PDE4B: variants seen among roughly 807,000 people sequenced by gnomAD.
PDE4B encodes phosphodiesterase 4B.
Under a neutral mutation model 82.2 loss-of-function variants are expected in PDE4B, and 20 were observed. That is an observed-to-expected ratio of 0.24 (90% confidence interval 0.17 to 0.35). The LOEUF (loss-of-function observed/expected upper bound fraction) is 0.35, where lower values mean the gene tolerates loss of function less well. Ranked by LOEUF, PDE4B falls within the 10% of genes least tolerant of loss-of-function variation. The pLI, the probability that PDE4B is intolerant of heterozygous loss-of-function variation, is 1.00. For synonymous variants in PDE4B, 320 were observed against 318.9 expected, an observed-to-expected ratio of 1.00 and a Z score of -0.04; for missense variants, 655 against 907.2, an observed-to-expected ratio of 0.72 and a Z score of 3.57.
chr1:66,194,886 G>A (rs1206041502), intron 3 of PDE4B, among the ~76,000 whole-genome samples: 2 of 152,102 alleles, frequency 1.3e-5, no homozygotes, highest in East Asian at 1.9e-4. Context: ...CTGAAAGGTT[G>A]CTCGTGAGAA....
At chr1:66,046,052 A>C (rs983463125) in intron 3 of PDE4B, among the ~76,000 whole-genome samples, 4 of 151,702 alleles carry the variant, frequency 2.6e-5, no homozygotes, top group African/African-American at 9.7e-5. Context: ...TGCAGAAGAG[A>C]TATTTGAAAG....
intron 7 of PDE4B, among the ~76,000 whole-genome samples, chr1:66,327,718 C>T (rs1213318446): frequency 2.0e-5 from 3 of 152,160 alleles, no homozygotes; most frequent in Non-Finnish European, 4.4e-5. Context: ...AAGAACCATA[C>T]CAGGTCTTCT....
chr1:65,993,104 C>T (rs1480597435), intron 3 of PDE4B: 4 of 1,613,398 alleles, frequency 2.5e-6, no homozygotes, highest in Non-Finnish European at 3.4e-6. Context: ...TGAATAAAAG[C>T]ATTCGGCAGC....
At chr1:66,335,258 C>T (rs1471572157) in intron 8 of PDE4B, among the ~76,000 whole-genome samples, 1 of 152,130 alleles carries the variant, frequency 6.6e-6, no homozygotes, top group Non-Finnish European at 1.5e-5. Flanking sequence ...CTCTGTGTTC[C>T]TAGTTCTGTT....
chr1:66,311,584 T>C (rs937300082), intron 7 of PDE4B, among the ~76,000 whole-genome samples: 9 of 152,254 alleles, frequency 5.9e-5, no homozygotes, highest in African/African-American at 1.4e-4. Flanking sequence ...AGAGAACTTC[T>C]GGCTGGGAGC....
At chr1:65,925,333 TA>T (rs369499415) in intron 3 of PDE4B, among the ~76,000 whole-genome samples, 4 of 151,860 alleles carry the variant, frequency 2.6e-5, no homozygotes, top group South Asian at 2.1e-4. Flanking sequence ...AACTGAAAAT[TA>T]AAAAAAATTC....
chr1:66,353,117 C>A (rs1661963935), intron 8 of PDE4B, among the ~76,000 whole-genome samples: 1 of 152,174 alleles, frequency 6.6e-6, no homozygotes, highest in Non-Finnish European at 1.5e-5. Flanking sequence ...TGTGACTGAG[C>A]AGTTGTGTCT....
intron 3 of PDE4B, among the ~76,000 whole-genome samples, chr1:66,197,971 C>T (rs767999645): frequency 2.0e-5 from 3 of 152,122 alleles, no homozygotes; most frequent in Admixed American, 2.0e-4. Context: ...GAGAGCAGGC[C>T]AAGGAAATCA....
At chr1:66,358,871 G>A (rs1465990398) in intron 9 of PDE4B, among the ~76,000 whole-genome samples, 1 of 152,116 alleles carries the variant, frequency 6.6e-6, no homozygotes, top group Non-Finnish European at 1.5e-5. Flanking sequence ...TTAATCCAGA[G>A]ATAGGTGAAA....
chr1:65,890,741 A>T (rs1351499317), intron 1 of PDE4B, among the ~76,000 whole-genome samples: 1 of 152,050 alleles, frequency 6.6e-6, no homozygotes, highest in African/African-American at 2.4e-5. Context: ...GCAGGCGTCT[A>T]GAGGAGACAT....
At chr1:66,300,502 C>A (rs12137080) in intron 7 of PDE4B, among the ~76,000 whole-genome samples, 233 of 152,042 alleles carry the variant, frequency 1.5e-3, no homozygotes, top group Non-Finnish European at 2.9e-3. Context: ...TGAGGGAGGG[C>A]GATTTGGAGT....
At chr1:66,162,932 T>C (rs1646647086) in intron 3 of PDE4B, among the ~76,000 whole-genome samples, 1 of 152,204 alleles carries the variant, frequency 6.6e-6, no homozygotes, top group African/African-American at 2.4e-5. Flanking sequence ...CCAAGTCAAC[T>C]TTTATTACTT....
rs527261485 is a variant in PDE4B at position 66,176,195 on chromosome 1, C to T, written c.282-71265C>T. Among the ~76,000 whole-genome samples, 7 of 152,296 alleles carry T rather than the reference C, an allele frequency of 4.6e-5. No individual in the cohort carries two copies. The East Asian group carries it at 9.6e-4, about 21-fold the overall frequency. On this transcript the variant is annotated intron_variant, in intron 3 of 16. Coordinates refer to ENST00000341517, the MANE Select transcript of PDE4B (RefSeq NM_002600.4). The stretch of plus-strand genomic sequence containing the variant: ...GACTCAACAAAGGCAAGATTTCCCA[C>T]GCTGAAGACAGATGGGAAAATTCCA...
At position 66,372,454 on chromosome 1, in the gene PDE4B, C is replaced by G; in HGVS notation, c.1987C>G (p.Pro663Ala). The G allele has an allele frequency of 6.2e-7, 1 of 1,614,116 alleles. No individual in the cohort carries two copies. Among genetic ancestry groups the G allele is most frequent in the Non-Finnish European group, 8.5e-7 (1 of 1,180,000 alleles). Reference protein sequence around the residue: ...QSMIPQSPSPPLDEQNRDCQG... With the variant: ...QSMIPQSPSPALDEQNRDCQG... Reference sequence around the variant, plus strand: ...CATGATACCTCAAAGTCCCTCACCACCACTGGACGAGCAGAACAGGGACTG... The same window carrying G: ...CATGATACCTCAAAGTCCCTCACCAGCACTGGACGAGCAGAACAGGGACTG... Residue 663 changes from proline to alanine, a missense_variant, in exon 17 of 17, where the codon CCA becomes GCA. Pro to Ala is a conservative substitution (Grantham distance 27). This residue lies in a region of PDE4B where 119 missense variants were observed against 115.2 expected (regional missense o/e 1.03). Transcript: ENST00000341517.
At chr1:65,954,186 T>C (rs1439449781) in intron 3 of PDE4B, among the ~76,000 whole-genome samples, 1 of 152,148 alleles carries the variant, frequency 6.6e-6, no homozygotes, top group African/African-American at 2.4e-5. Context: ...TGTGAGCCAC[T>C]GTGCCTGGCC....
At chr1:66,095,229 A>G (rs958623899) in intron 3 of PDE4B, among the ~76,000 whole-genome samples, 7 of 151,892 alleles carry the variant, frequency 4.6e-5, no homozygotes, top group Admixed American at 6.6e-5. Flanking sequence ...TCAATTATAT[A>G]CTTGCTATTA....
intron 1 of PDE4B, among the ~76,000 whole-genome samples, chr1:65,877,037 A>C (rs1348234940): frequency 6.6e-6 from 1 of 152,178 alleles, no homozygotes; most frequent in Non-Finnish European, 1.5e-5. Flanking sequence ...TTCTTCACAG[A>C]ACTAGAAAAA....
At chr1:66,298,342 C>T (rs556461140) in intron 7 of PDE4B, among the ~76,000 whole-genome samples, 8 of 152,034 alleles carry the variant, frequency 5.3e-5, no homozygotes, top group Non-Finnish European at 1.0e-4. Context: ...ACCTAATAGG[C>T]CTTACTTAGT....
chr1:66,358,887 G>T (rs1469563690), intron 9 of PDE4B, among the ~76,000 whole-genome samples: 2 of 152,096 alleles, frequency 1.3e-5, no homozygotes, highest in African/African-American at 4.8e-5. Context: ...TGAAACTTGT[G>T]TCATTCCTAT....
Sources: allele counts gnomAD v4.1 joint callset (sites outside exome capture counted in the v4.1 genomes callset), GRCh38; gene constraint gnomAD v4.1.1; regional missense constraint gnomAD v4.1.1; transcripts MANE v1.5; gene names NCBI Gene and HGNC (gene_info 2026-07-23, HGNC 2026-07-21).